The following XDH variants were observed in gnomAD, a reference collection of about 807,000 sequenced individuals.
XDH encodes xanthine dehydrogenase.
Under a neutral mutation model 156.1 loss-of-function variants are expected in XDH, and 138 were observed. The ratio of observed to expected loss-of-function variants is 0.88; its 90% CI spans 0.77 to 1.02. The LOEUF (loss-of-function observed/expected upper bound fraction) is 1.02. Ranked by LOEUF, XDH falls within the 50% of genes least tolerant of loss-of-function variation. XDH has a pLI of 0.00. For synonymous variants in XDH, 669 were observed against 625.7 expected (o/e 1.07, Z -1.03); for missense variants, 1,849 against 1,684.9 (o/e 1.10, Z -1.71).
intron 17 of XDH, 113 bp downstream of exon 17, chr2:31,372,115 G>A: frequency 6.6e-7 from 1 of 1,518,806 alleles, no homozygotes; most frequent in Non-Finnish European, 9.1e-7. Context: ...GGTCCTGGAG[G>A]CACCTCATTA....
chr2:31,358,742 GGAA>G (rs753986711), intron 24 of XDH, among the ~76,000 whole-genome samples: 2 of 151,884 alleles, frequency 1.3e-5, no homozygotes, highest in Non-Finnish European at 2.9e-5. Flanking sequence ...AAACACTAAT[GGAA>G]GAAAACTTTC....
At chr2:31,384,003 A>C in intron 9 of XDH, 156 bp from the exon 10 acceptor site, 4 of 734,796 alleles carry the variant, frequency 5.4e-6, no homozygotes, top group Admixed American at 4.1e-5. Flanking sequence ...TAGGAAACTC[A>C]GTAGACCAGG....
Position 31,335,818 on chromosome 2 carries a change from A to T in XDH, c.*140T>A. ...TTGATCAAAATCTTCCATTGCATTC[A>T]CTTGTCTTCCAAATCCCATCTTGAC... On this transcript the variant is annotated 3_prime_UTR_variant, in exon 36 of 36. Transcript: ENST00000379416. 1 of 980,714 alleles carries T rather than the reference A, an allele frequency of 1.0e-6. No individual in the cohort carries two copies. The allele number at this position is 980,714 out of a possible 1,614,324, so 60.8% of individuals were successfully genotyped here.
Position 31,364,250 on chromosome 2 carries a change from A to T in XDH, c.2545-6T>A. On this transcript the variant is annotated splice_polypyrimidine_tract_variant and splice_region_variant and intron_variant, in intron 23 of 35. Coordinates refer to ENST00000379416, the MANE Select transcript of XDH (RefSeq NM_000379.4). ...CCAGTCTTCATGAAGCCAACCTGAT[A>T]AAAGGAGAAAGGAGAGGGATTTATC... 6.2e-7 allele frequency: 1 copy of T among 1,614,054 alleles called. No homozygotes were observed. Among genetic ancestry groups the T allele is most frequent in the Non-Finnish European group, 8.5e-7 (1 of 1,179,932 alleles).
chr2:31,336,810 AT>A lies in XDH; in HGVS notation c.3952-803del, dbSNP rs202047649. 7.2e-4 allele frequency among the ~76,000 whole-genome samples: 104 copies of A among 145,164 alleles called. 4 individuals are homozygous for A. In the East Asian group the frequency reaches 0.016, roughly 22 times the overall value. On this transcript the variant is annotated intron_variant, in intron 35 of 35. Transcript: ENST00000379416. ...CCTATAAATCCAAAAAGCATATCGA[AT>A]TTTAAAAAGAGAAAGCCCCACCTGA... is the stretch of plus-strand genomic sequence containing the variant.
chr2:31,397,402 C>G (rs1365201586), intron 6 of XDH, among the ~76,000 whole-genome samples: 1 of 152,218 alleles, frequency 6.6e-6, no homozygotes, highest in Non-Finnish European at 1.5e-5. Context: ...CTCAAAGGCA[C>G]TCTCAGGCGG....
intron 20 of XDH, 28 bp from the exon 21 acceptor site, chr2:31,367,022 T>A (rs774065551): frequency 1.9e-5 from 31 of 1,613,908 alleles, no homozygotes; most frequent in African/African-American, 1.9e-4. Flanking sequence ...TCCCTCACAG[T>A]GAGCCCAATG....
intron 6 of XDH, among the ~76,000 whole-genome samples, chr2:31,395,445 A>G (rs1465729799): frequency 6.6e-6 from 1 of 152,180 alleles, no homozygotes. Flanking sequence ...TTCTGAGGAC[A>G]GGCCTTTTTA....
Position 31,337,646 on chromosome 2 carries a change from T to A in XDH, c.3946A>T (p.Thr1316Ser). The A allele has an allele frequency of 6.2e-7, 1 of 1,613,964 alleles. No homozygotes were observed. Among genetic ancestry groups the A allele is most frequent in the Non-Finnish European group, 8.5e-7 (1 of 1,180,034 alleles). Residue 1316 changes from threonine (T) to serine (S), a missense_variant, in exon 35 of 36, where the codon ACC becomes TCC. Coordinates refer to ENST00000379416, the MANE Select transcript of XDH (RefSeq NM_000379.4). ...IRNACVDKFT[T>S]LCVTGVPENC... Reference sequence around the variant, plus strand: ...ATGCTTGAGGGGCATCATACCAGGGTGGTGAACTTGTCCACGCAGGCATTG... The same window carrying A: ...ATGCTTGAGGGGCATCATACCAGGGAGGTGAACTTGTCCACGCAGGCATTG...
At chr2:31,410,639 A>C (rs1274266846) in intron 1 of XDH, among the ~76,000 whole-genome samples, 1 of 152,228 alleles carries the variant, frequency 6.6e-6, no homozygotes, top group Non-Finnish European at 1.5e-5. Flanking sequence ...GACAGAATGC[A>C]GTGAGAAAAA....
chr2:31,403,773 T>C (rs889325914), intron 2 of XDH, among the ~76,000 whole-genome samples: 1 of 152,102 alleles, frequency 6.6e-6, no homozygotes, highest in South Asian at 2.1e-4. Context: ...AGAAAGACCA[T>C]CTGCTACTTT....
chr2:31,397,775 A>T, intron 5 of XDH, 46 bp from the exon 6 acceptor site: 1 of 1,610,958 alleles, frequency 6.2e-7, no homozygotes, highest in Non-Finnish European at 8.5e-7. Flanking sequence ...GGGCCCTGGG[A>T]TGGGTGAGGA....
chr2:31,377,288 G>A (rs368730927), intron 13 of XDH, 51 bp from the exon 14 acceptor site: 2 of 1,608,600 alleles, frequency 1.2e-6, no homozygotes, highest in Middle Eastern at 2.0e-4. Context: ...TGTAGGGGCT[G>A]CAAATGGCAG....
At chr2:31,345,973 G>A (rs1383663493) in intron 30 of XDH, among the ~76,000 whole-genome samples, 2 of 152,324 alleles carry the variant, frequency 1.3e-5, no homozygotes, top group Admixed American at 1.3e-4. Context: ...GGTATGGAGA[G>A]GTCATAGAAG....
intron 24 of XDH, 143 bp from the exon 25 acceptor site, chr2:31,350,366 A>AT: frequency 2.2e-6 from 1 of 445,726 alleles, no homozygotes; most frequent in South Asian, 2.2e-5. Flanking sequence ...TTGCAGCAGC[A>AT]TCTTTTTTTT....
At chr2:31,389,024 C>T (rs897572283) in intron 6 of XDH, among the ~76,000 whole-genome samples, 5 of 149,564 alleles carry the variant, frequency 3.3e-5, no homozygotes, top group Non-Finnish European at 6.0e-5. Context: ...CAGAGGGGCG[C>T]ACTCAGCTGA....
At chr2:31,380,192 G>A (rs1366269541) in intron 12 of XDH, among the ~76,000 whole-genome samples, 11 of 152,206 alleles carry the variant, frequency 7.2e-5, no homozygotes, top group Admixed American at 1.3e-4. Flanking sequence ...AACCAGTTCC[G>A]TGTAGGGGGA....
intron 16 of XDH, among the ~76,000 whole-genome samples, chr2:31,372,892 G>A (rs955918963): frequency 6.6e-6 from 1 of 151,616 alleles, no homozygotes; most frequent in East Asian, 1.9e-4. Flanking sequence ...ATAATAATTT[G>A]CTCTCGGAGG....
At chr2:31,381,764 C>T (rs1234519731) in intron 11 of XDH, 38 bp from the exon 12 acceptor site, 5 of 1,576,872 alleles carry the variant, frequency 3.2e-6, no homozygotes, top group African/African-American at 1.4e-5. Context: ...GAGCCCACCC[C>T]AGGAAACCCC....
Sources: allele counts gnomAD v4.1 joint callset (sites outside exome capture counted in the v4.1 genomes callset), GRCh38; gene constraint gnomAD v4.1.1; transcripts MANE v1.5; gene names NCBI Gene and HGNC (gene_info 2026-07-23, HGNC 2026-07-21).